Variants in TPD52L1 observed in about 807,000 individuals in gnomAD.
TPD52L1 encodes the protein TPD52 like 1, also known as tumor protein D53.
TPD52L1 carries 18 observed loss-of-function variants against 28.7 expected under a neutral mutation model. The ratio of observed to expected loss-of-function variants is 0.63; its 90% CI spans 0.43 to 0.93. The LOEUF (loss-of-function observed/expected upper bound fraction) is 0.93. TPD52L1 is among the 40% of genes least tolerant of loss of function. The pLI is 0.00. For synonymous variants in TPD52L1, 75 were observed against 88.8 expected (o/e 0.84, Z 0.88); for missense variants, 203 against 254.8 (o/e 0.80, Z 1.39).
At chr6:125,191,119 T>C (rs1325239563) in intron 1 of TPD52L1, among the ~76,000 whole-genome samples, 1 of 152,238 alleles carries the variant, frequency 6.6e-6, no homozygotes, top group East Asian at 1.9e-4. Flanking sequence ...ACAACTACAG[T>C]TAACATTTCT....
At chr6:125,249,770 A>G (rs1024026707) in intron 4 of TPD52L1, among the ~76,000 whole-genome samples, 8 of 151,458 alleles carry the variant, frequency 5.3e-5, no homozygotes, top group African/African-American at 1.9e-4. Flanking sequence ...TTATAGATAC[A>G]TCTTTATAAA....
chr6:125,198,706 C>G (rs1348466804), intron 1 of TPD52L1, among the ~76,000 whole-genome samples: 1 of 152,216 alleles, frequency 6.6e-6, no homozygotes, highest in East Asian at 1.9e-4. Flanking sequence ...AAATTATGAG[C>G]ATGCAGCTGT....
chr6:125,180,963 C>G (rs1299703263), intron 1 of TPD52L1, among the ~76,000 whole-genome samples: 1 of 151,982 alleles, frequency 6.6e-6, no homozygotes, highest in Non-Finnish European at 1.5e-5. Context: ...ATGAAGGAGG[C>G]TGGTGTTGCT....
intron 1 of TPD52L1, among the ~76,000 whole-genome samples, chr6:125,205,695 A>T (rs780597412): frequency 6.6e-6 from 1 of 152,308 alleles, no homozygotes; most frequent in Middle Eastern, 3.4e-3. Context: ...GGTACCATAT[A>T]CTTTCTGCTA....
chr6:125,172,617 TTA>T (rs71783721), intron 1 of TPD52L1, among the ~76,000 whole-genome samples: 7,129 of 111,514 alleles, frequency 0.064, 616 homozygotes, highest in African/African-American at 0.14. Context: ...ATATATATAA[TTA>T]TATATATATA....
intron 1 of TPD52L1, among the ~76,000 whole-genome samples, chr6:125,185,934 C>T (rs569312849): frequency 7.2e-6 from 1 of 139,656 alleles, no homozygotes; most frequent in South Asian, 2.3e-4. Context: ...CACTCTGTCG[C>T]CCCAGCTAGA....
chr6:125,202,226 C>G (rs910549976), intron 1 of TPD52L1, among the ~76,000 whole-genome samples: 4 of 152,022 alleles, frequency 2.6e-5, no homozygotes, highest in African/African-American at 9.7e-5. Flanking sequence ...TTTCTTTAAA[C>G]ATGCCTTGAA....
intron 1 of TPD52L1, among the ~76,000 whole-genome samples, chr6:125,166,294 A>G (rs1168836788): frequency 2.0e-5 from 3 of 152,170 alleles, no homozygotes; most frequent in Non-Finnish European, 4.4e-5. Context: ...CTCATTGTCT[A>G]TAAATATTTT....
intron 1 of TPD52L1, among the ~76,000 whole-genome samples, chr6:125,179,587 G>C (rs984640798): frequency 6.6e-6 from 1 of 152,066 alleles, no homozygotes; most frequent in African/African-American, 2.4e-5. Flanking sequence ...TTTGTATTTA[G>C]GCTTCAGGAT....
intron 1 of TPD52L1, among the ~76,000 whole-genome samples, chr6:125,161,523 G>A (rs879295110): frequency 9.2e-5 from 14 of 152,174 alleles, no homozygotes; most frequent in African/African-American, 3.4e-4. Context: ...TTTGACTTAA[G>A]GTGAGAGATT....
chr6:125,206,121 CT>C (rs1243874664), intron 1 of TPD52L1, among the ~76,000 whole-genome samples: 1 of 152,086 alleles, frequency 6.6e-6, no homozygotes, highest in Non-Finnish European at 1.5e-5. Context: ...GACATAATTT[CT>C]TTTTTTAGCC....
At chr6:125,156,763 T>C (rs1394944934) in intron 1 of TPD52L1, among the ~76,000 whole-genome samples, 8 of 152,168 alleles carry the variant, frequency 5.3e-5, no homozygotes, top group Non-Finnish European at 1.2e-4. Context: ...GGCAAGACTC[T>C]GTCTCAAAAA....
rs1449047750 is a variant in TPD52L1, at chr6:125,204,436, A to G, written c.20-15642A>G. On this transcript the variant is annotated intron_variant, in intron 1 of 6. Transcript: ENST00000534000. ...GCAAGTCTTGGTTATTTTATATTCAACACTTTAAGAAGAAATGTGCTTCCC... is the reference window on the plus strand; with the variant it reads ...GCAAGTCTTGGTTATTTTATATTCAGCACTTTAAGAAGAAATGTGCTTCCC... Among the ~76,000 whole-genome samples the G allele has an allele frequency of 3.9e-5, 6 of 152,084 alleles. No individual in the cohort carries two copies. In the East Asian group the frequency reaches 9.6e-4, roughly 24 times the overall value.
At chr6:125,227,321 C>T (rs556074807) in intron 2 of TPD52L1, among the ~76,000 whole-genome samples, 2 of 151,874 alleles carry the variant, frequency 1.3e-5, no homozygotes, top group African/African-American at 2.4e-5. Context: ...TCACTATTGG[C>T]GCTAGTGAAA....
chr6:125,200,459 G>T (rs1281001195), intron 1 of TPD52L1, among the ~76,000 whole-genome samples: 1 of 152,138 alleles, frequency 6.6e-6, no homozygotes, highest in African/African-American at 2.4e-5. Context: ...TATCTGCAGA[G>T]CAAGTAAATA....
chr6:125,221,580 T>C (rs1284998902), intron 2 of TPD52L1, among the ~76,000 whole-genome samples: 1 of 152,228 alleles, frequency 6.6e-6, no homozygotes, highest in Non-Finnish European at 1.5e-5. Flanking sequence ...GGGGTATACA[T>C]ACATACATAT....
chr6:125,154,898 CTG>C (rs1201791001), intron 1 of TPD52L1, among the ~76,000 whole-genome samples: 1 of 151,710 alleles, frequency 6.6e-6, no homozygotes, highest in East Asian at 1.9e-4. Context: ...GTAGGAAACT[CTG>C]TGTTGGCTCT....
chr6:125,203,844 T>G (rs1793947142), intron 1 of TPD52L1: 1 of 946,962 alleles, frequency 1.1e-6, no homozygotes, highest in African/African-American at 1.8e-5. Context: ...CTATACTTGT[T>G]CCCTTGACCT....
At chr6:125,223,919 T>C (rs1197680172) in intron 2 of TPD52L1, among the ~76,000 whole-genome samples, 1 of 152,168 alleles carries the variant, frequency 6.6e-6, no homozygotes, top group African/African-American at 2.4e-5. Context: ...CAAATATTTA[T>C]ATTTGTAAAT....
Sources: gnomAD v4.1 joint callset for allele counts (sites outside exome capture counted in the v4.1 genomes callset) on GRCh38, gnomAD v4.1.1 for gene constraint, MANE v1.5 for transcripts, NCBI Gene and HGNC (gene_info 2026-07-23, HGNC 2026-07-21) for gene names.